The following CNTN5 variants were observed in gnomAD, a reference collection of about 807,000 sequenced individuals.
The protein encoded by CNTN5 is contactin-5.
Under a neutral mutation model 129.1 loss-of-function variants are expected in CNTN5, and 77 were observed. The observed-to-expected ratio is 0.60, with a 90% CI of 0.50 to 0.72. The LOEUF is 0.72. Among genes scored for constraint, CNTN5 ranks in the 30% least tolerant of loss-of-function variants. The pLI is 0.00. For synonymous variants in CNTN5, 509 were observed against 465.6 expected, an observed-to-expected ratio of 1.09 and a Z score of -1.20; for missense variants, 1,478 against 1,328.8, an observed-to-expected ratio of 1.11 and a Z score of -1.75.
chr11:99,213,362 A>T (rs991191853), intron 1 of CNTN5, among the ~76,000 whole-genome samples: 1 of 59,658 alleles, frequency 1.7e-5, no homozygotes, highest in Admixed American at 1.8e-4. Flanking sequence ...ATATGTGTAT[A>T]TATGTATATA....
At chr11:99,968,656 C>CTCTTTTTTTTTTTTTTTTTTT (rs1951161575) in intron 8 of CNTN5, among the ~76,000 whole-genome samples, 2 of 73,870 alleles carry the variant, frequency 2.7e-5, no homozygotes, top group African/African-American at 4.8e-5. Flanking sequence ...GCTTTGGGTA[C>CTCTTTTTTTTTTTTTTTTTTT]TTTTTTTTTT....
chr11:99,315,473 G>A (rs1865301164), intron 1 of CNTN5, among the ~76,000 whole-genome samples: 1 of 149,416 alleles, frequency 6.7e-6, no homozygotes, highest in Non-Finnish European at 1.5e-5. Flanking sequence ...GAACTTTGGA[G>A]ATGGAAAAGA....
intron 3 of CNTN5, among the ~76,000 whole-genome samples, chr11:99,673,281 A>G (rs940893546): frequency 6.6e-6 from 1 of 152,144 alleles, no homozygotes; most frequent in African/African-American, 2.4e-5. Context: ...GCATCATAGC[A>G]TTTTGATAGG....
intron 21 of CNTN5, among the ~76,000 whole-genome samples, chr11:100,333,436 C>T (rs1445994779): frequency 8.7e-6 from 1 of 114,688 alleles, no homozygotes; most frequent in African/African-American, 3.5e-5. Context: ...AAAAAAACAC[C>T]TAAAATCCAC....
At chr11:99,668,052 C>T (rs1289745478) in intron 3 of CNTN5, among the ~76,000 whole-genome samples, 1 of 152,132 alleles carries the variant, frequency 6.6e-6, no homozygotes, top group Non-Finnish European at 1.5e-5. Context: ...AACAACAGAT[C>T]CTACTGTATA....
intron 13 of CNTN5, among the ~76,000 whole-genome samples, chr11:100,173,438 G>T (rs1406508283): frequency 2.0e-5 from 3 of 152,086 alleles, no homozygotes; most frequent in Admixed American, 6.6e-5. Context: ...TTAGCTCTTG[G>T]CCCTGTTTGG....
chr11:100,087,091 C>T (rs1944583772), intron 13 of CNTN5, among the ~76,000 whole-genome samples: 1 of 150,792 alleles, frequency 6.6e-6, no homozygotes, highest in Non-Finnish European at 1.5e-5. Context: ...TTTCAGAGGA[C>T]CAAGAAAATG....
chr11:99,260,341 A>G (rs117326072), intron 1 of CNTN5, among the ~76,000 whole-genome samples: 4,234 of 151,852 alleles, frequency 0.028, 68 homozygotes, highest in Middle Eastern at 0.054. Context: ...TGCTCTTTAC[A>G]CATGTACAAT....
At chr11:100,051,248 C>T (rs999886036) in intron 9 of CNTN5, among the ~76,000 whole-genome samples, 2 of 151,980 alleles carry the variant, frequency 1.3e-5, no homozygotes, top group South Asian at 2.1e-4. Context: ...TGTGTTGGGC[C>T]GTAAAACAAG....
chr11:99,383,069 CTGGTCTTGAACTCCTGACCT>C (rs139544288), intron 2 of CNTN5, among the ~76,000 whole-genome samples: 11,562 of 151,744 alleles, frequency 0.076, 505 homozygotes, highest in Non-Finnish European at 0.096. Flanking sequence ...ATTGGCCAGC[CTGGTCTTGAACTCCTGACCT>C]TGTGATCCGC....
chr11:99,156,660 T>C (rs912389368), intron 1 of CNTN5, among the ~76,000 whole-genome samples: 2 of 152,004 alleles, frequency 1.3e-5, no homozygotes, highest in African/African-American at 4.8e-5. Flanking sequence ...ATATATCTGT[T>C]AACCTTTTTC....
rs148741457 is a variant in CNTN5 at position 99,506,992 on chromosome 11, T to C, written c.-70-49153T>C. The stretch of plus-strand genomic sequence containing the variant: ...AAAGCAGAATTTGACATCTAACATA[T>C]GAAATGATCTAAATCAATGTTTTTC... On this transcript the variant is annotated intron_variant, in intron 2 of 24. Transcript: ENST00000524871. Among the ~76,000 whole-genome samples, 441 of 152,256 alleles carry C rather than the reference T, an allele frequency of 2.9e-3. 1 individual carries two copies. The highest frequency in any genetic ancestry group is 9.4e-3 in the African/African-American group (392 of 41,568).
chr11:99,454,113 A>G (rs1944408072), intron 2 of CNTN5, among the ~76,000 whole-genome samples: 1 of 152,218 alleles, frequency 6.6e-6, no homozygotes, highest in African/African-American at 2.4e-5. Context: ...TTTGCCCCAA[A>G]GAAATGTCTG....
At chr11:100,333,847 G>GAA (rs878922569) in intron 21 of CNTN5, among the ~76,000 whole-genome samples, 2 of 152,088 alleles carry the variant, frequency 1.3e-5, no homozygotes, top group Admixed American at 6.6e-5. Context: ...TATCACCTCA[G>GAA]AAAAACCCTT....
chr11:99,596,849 G>A lies in CNTN5; in HGVS notation c.55+40580G>A, dbSNP rs539577372. On this transcript the variant is annotated intron_variant, in intron 3 of 24. Coordinates refer to ENST00000524871, the MANE Select transcript of CNTN5 (RefSeq NM_014361.4). ...ACTTTATAAATAGACAATAATAATC[G>A]CAATAAATTATATTGGGTTGAAATA... 7.9e-5 allele frequency among the ~76,000 whole-genome samples: 12 copies of A among 152,018 alleles called. 1 individual carries two copies. In the South Asian group the frequency reaches 1.2e-3, roughly 16 times the overall value.
At chr11:99,821,977 C>T (rs1300961310) in intron 4 of CNTN5, among the ~76,000 whole-genome samples, 1 of 152,178 alleles carries the variant, frequency 6.6e-6, no homozygotes, top group African/African-American at 2.4e-5. Flanking sequence ...CTCTTCTGAG[C>T]ATTTTATAAA....
At chr11:99,802,010 TATTTGTA>T (rs1946128973) in intron 3 of CNTN5, among the ~76,000 whole-genome samples, 2 of 152,356 alleles carry the variant, frequency 1.3e-5, no homozygotes, top group South Asian at 4.1e-4. Context: ...GGATTTCTAA[TATTTGTA>T]ATTTGTGCAT....
chr11:99,717,470 T>TA (rs1158511224), intron 3 of CNTN5, among the ~76,000 whole-genome samples: 2 of 152,030 alleles, frequency 1.3e-5, no homozygotes, highest in Non-Finnish European at 2.9e-5. Context: ...TAAAAAAAGA[T>TA]AAAAAATAAG....
intron 1 of CNTN5, among the ~76,000 whole-genome samples, chr11:99,262,850 T>G (rs937634566): frequency 1.1e-4 from 16 of 152,218 alleles, no homozygotes; most frequent in African/African-American, 3.6e-4. Context: ...CAATTTATTC[T>G]TTCTCCTGCA....
Sources: gnomAD v4.1 joint callset for allele counts (sites outside exome capture counted in the v4.1 genomes callset) on GRCh38, gnomAD v4.1.1 for gene constraint, MANE v1.5 for transcripts, NCBI Gene and HGNC (gene_info 2026-07-23, HGNC 2026-07-21) for gene names.